Variants in DNAL1 observed in about 807,000 individuals in gnomAD.
DNAL1 encodes the protein dynein axonemal light chain 1.
A neutral mutation model predicts 29.4 loss-of-function variants in DNAL1; 17 were observed. The observed-to-expected ratio is 0.58, with a 90% CI of 0.40 to 0.87. The LOEUF (loss-of-function observed/expected upper bound fraction) is 0.87. Ranked by LOEUF, DNAL1 falls within the 40% of genes least tolerant of loss-of-function variation. The pLI is 0.00. For synonymous variants in DNAL1, 78 were observed against 76.3 expected, an observed-to-expected ratio of 1.02 and a Z score of -0.12; for missense variants, 188 against 214.1, an observed-to-expected ratio of 0.88 and a Z score of 0.76.
intron 6 of DNAL1, 126 bp downstream of exon 6, chr14:73,687,511 C>A: frequency 8.8e-7 from 1 of 1,130,540 alleles, no homozygotes; most frequent in Non-Finnish European, 1.2e-6. Flanking sequence ...ACATTTATGG[C>A]TAAGCTCAGA....
chr14:73,681,884 AG>A (rs1265273393), intron 5 of DNAL1, among the ~76,000 whole-genome samples: 1 of 151,728 alleles, frequency 6.6e-6, no homozygotes, highest in Non-Finnish European at 1.5e-5. Flanking sequence ...AGACTGACGC[AG>A]GTGGATCACC....
At chr14:73,680,526 CATT>C (rs1220588712) in intron 5 of DNAL1, among the ~76,000 whole-genome samples, 2 of 152,102 alleles carry the variant, frequency 1.3e-5, no homozygotes, top group Non-Finnish European at 2.9e-5. Flanking sequence ...TAAATTGACA[CATT>C]ATAATTATAC....
intron 4 of DNAL1, among the ~76,000 whole-genome samples, 182 bp downstream of exon 4, chr14:73,662,224 T>G (rs1891372883): frequency 6.6e-6 from 1 of 152,224 alleles, no homozygotes; most frequent in African/African-American, 2.4e-5. Flanking sequence ...TAGCATGAGC[T>G]CTGAACGTTT....
intron 2 of DNAL1, among the ~76,000 whole-genome samples, chr14:73,655,625 G>T (rs551531741): frequency 7.2e-5 from 11 of 152,086 alleles, no homozygotes; most frequent in African/African-American, 2.2e-4. Context: ...GGGATTACAG[G>T]AGTGAACCAC....
rs78164595 is a variant in DNAL1 at position 73,701,973 on chromosome 14, C to T, written c.*6031C>T. ...AAAAAAAAAAAGTATATTTTTGGTACATGATTATTAGTTTTAGCTAATATA... is the reference window on the plus strand; with the variant it reads ...AAAAAAAAAAAGTATATTTTTGGTATATGATTATTAGTTTTAGCTAATATA... On this transcript the variant is annotated 3_prime_UTR_variant, in exon 8 of 8. Coordinates refer to ENST00000553645, the MANE Select transcript of DNAL1 (RefSeq NM_031427.4). 6.6e-6 allele frequency: 1 copy of T among 150,462 alleles called. No homozygotes were observed. The highest frequency in any genetic ancestry group is 1.5e-5 in the Non-Finnish European group (1 of 67,770). The allele number at this position is 150,462 out of a possible 1,614,324, so 9.3% of individuals were successfully genotyped here.
At chr14:73,687,995 A>T (rs1892063452) in intron 6 of DNAL1, among the ~76,000 whole-genome samples, 1 of 152,180 alleles carries the variant, frequency 6.6e-6, no homozygotes, top group Admixed American at 6.5e-5. Flanking sequence ...AATAAAAATA[A>T]AAAATAAAAA....
At chr14:73,681,605 CAAAAAAAAAAAAAAAAA>C (rs71112792) in intron 5 of DNAL1, among the ~76,000 whole-genome samples, 3,483 of 52,868 alleles carry the variant, frequency 0.066, 140 homozygotes, top group Non-Finnish European at 0.082. Context: ...CCATCTCTAC[CAAAAAAAAAAAAAAAAA>C]AAAAAAAAAA....
chr14:73,660,386 A>G (rs1465678331), intron 3 of DNAL1, among the ~76,000 whole-genome samples: 3 of 152,216 alleles, frequency 2.0e-5, no homozygotes, highest in Non-Finnish European at 4.4e-5. Context: ...TTAGGCTACA[A>G]GTGTGTCTCA....
chr14:73,660,788 A>G (rs60099498), intron 3 of DNAL1, among the ~76,000 whole-genome samples: 35,992 of 152,130 alleles, frequency 0.24, 5,215 homozygotes, highest in Non-Finnish European at 0.33. Context: ...TCATAAAGCC[A>G]TCTCAAAGGC....
chr14:73,701,955 AAAAG>A lies in DNAL1; in HGVS notation c.*6014_*6017del, dbSNP rs1260377986. The A allele has an allele frequency of 2.0e-5, 3 of 152,156 alleles. No homozygotes were observed. The highest frequency in any genetic ancestry group is 7.2e-5 in the African/African-American group (3 of 41,452). The allele number at this position is 152,156 out of a possible 1,614,324, so 9.4% of individuals were successfully genotyped here. ...ATTGTGTTATTTTGTAAAAAAAAAAAAAAGTATATTTTTGGTACATGATTATTAG... is the reference window on the plus strand; with the variant it reads ...ATTGTGTTATTTTGTAAAAAAAAAAATATATTTTTGGTACATGATTATTAG... On this transcript the variant is annotated 3_prime_UTR_variant, in exon 8 of 8. Coordinates refer to ENST00000553645, the MANE Select transcript of DNAL1 (RefSeq NM_031427.4).
intron 2 of DNAL1, among the ~76,000 whole-genome samples, chr14:73,656,596 T>C (rs1439024075): frequency 3.9e-5 from 6 of 152,064 alleles, no homozygotes; most frequent in Non-Finnish European, 8.8e-5. Flanking sequence ...TTTGTTGTTG[T>C]TGCTGTTGTT....
At chr14:73,657,630 G>A (rs1311343605) in intron 2 of DNAL1, among the ~76,000 whole-genome samples, 1 of 152,146 alleles carries the variant, frequency 6.6e-6, no homozygotes, top group Admixed American at 6.5e-5. Context: ...GTCTCGCTCT[G>A]TTGCCCAGGC....
At chr14:73,652,295 G>T (rs1891129829) in intron 1 of DNAL1, among the ~76,000 whole-genome samples, 1 of 152,056 alleles carries the variant, frequency 6.6e-6, no homozygotes, top group South Asian at 2.1e-4. Context: ...ACAGGGTCTT[G>T]CTCTGTTGCC....
In DNAL1 at chr14:73,700,268, G is replaced by T. The variant is rs1214830652; in HGVS notation, c.*4326G>T. On this transcript the variant is annotated 3_prime_UTR_variant, in exon 8 of 8. Coordinates refer to ENST00000553645, the MANE Select transcript of DNAL1 (RefSeq NM_031427.4). ...CTCGGGAGGCTGAGGCAGGAGAATT[G>T]CTTGAACCCGGGAGGCAGAGGCTTC... 2 of 152,162 alleles carry T rather than the reference G, an allele frequency of 1.3e-5. No homozygotes were observed. The highest frequency in any genetic ancestry group is 4.8e-5 in the African/African-American group (2 of 41,446). The allele number at this position is 152,162 out of a possible 1,614,324, so 9.4% of individuals were successfully genotyped here.
At chr14:73,654,719 A>C (rs986859383) in intron 1 of DNAL1, 128 bp from the exon 2 acceptor site, 9 of 793,796 alleles carry the variant, frequency 1.1e-5, no homozygotes, top group Non-Finnish European at 1.6e-5. Context: ...AAATCATGCC[A>C]TTGCACTCCA....
chr14:73,694,900 G>T (rs1892266971), intron 7 of DNAL1, among the ~76,000 whole-genome samples: 1 of 151,978 alleles, frequency 6.6e-6, no homozygotes, highest in Non-Finnish European at 1.5e-5. Flanking sequence ...TGTTCGCCAG[G>T]CTGGTCTCGA....
intron 4 of DNAL1, among the ~76,000 whole-genome samples, chr14:73,671,072 A>G (rs2140042057): frequency 6.6e-6 from 1 of 152,268 alleles, no homozygotes; most frequent in South Asian, 2.1e-4. Flanking sequence ...CAGTCTAATT[A>G]TTTAAAAACT....
chr14:73,668,563 G>T (rs1891541915), intron 4 of DNAL1, among the ~76,000 whole-genome samples: 1 of 152,128 alleles, frequency 6.6e-6, no homozygotes, highest in African/African-American at 2.4e-5. Flanking sequence ...TTAAACAATA[G>T]AAATTTTCTC....
chr14:73,683,549 A>G (rs1891941033), intron 5 of DNAL1, among the ~76,000 whole-genome samples: 1 of 152,152 alleles, frequency 6.6e-6, no homozygotes, highest in Non-Finnish European at 1.5e-5. Context: ...ATAGAACACC[A>G]GAGCTTATTC....
Sources: gnomAD v4.1 joint callset for allele counts (sites outside exome capture counted in the v4.1 genomes callset) on GRCh38, gnomAD v4.1.1 for gene constraint, MANE v1.5 for transcripts, NCBI Gene and HGNC (gene_info 2026-07-23, HGNC 2026-07-21) for gene names.